The following HBS1L variants were observed in gnomAD, a reference collection of about 807,000 sequenced individuals.
The protein encoded by HBS1L is HBS1 like translational GTPase, also known as HBS1-like protein.
In HBS1L, 55 loss-of-function variants were observed where a neutral mutation model predicts 88.9. The ratio of observed to expected loss-of-function variants is 0.62; its 90% CI spans 0.50 to 0.77. The LOEUF is 0.77. HBS1L is among the 30% of genes least tolerant of loss of function. The probability of loss-of-function intolerance (pLI) is 0.00; values close to 1 mark genes in which losing one functional copy is unlikely to be tolerated. For missense variants in HBS1L, 741 were observed against 829.3 expected (o/e 0.89, Z 1.31); for synonymous variants, 267 against 288.5 (o/e 0.93, Z 0.76).
At chr6:134,988,754 CA>C (rs1221804494) in intron 8 of HBS1L, among the ~76,000 whole-genome samples, 1 of 152,140 alleles carries the variant, frequency 6.6e-6, no homozygotes, top group Non-Finnish European at 1.5e-5. Flanking sequence ...GGTATTTTCA[CA>C]AAAAGTATCA....
At position 135,002,282 on chromosome 6, in the gene HBS1L, C is replaced by T. The variant is rs141710262; in HGVS notation, c.539+452G>A. 2.9e-4 allele frequency among the ~76,000 whole-genome samples: 44 copies of T among 152,136 alleles called. No individual in the cohort carries two copies. The East Asian group carries it at 5.6e-3, about 19-fold the overall frequency. On this transcript the variant is annotated intron_variant, in intron 5 of 17. Coordinates refer to ENST00000367837, the MANE Select transcript of HBS1L (RefSeq NM_006620.4). ...GTCTTTGCTACAATGGTCCAATTTACGTCTTTGCTACAATGGTCCAATTTA... is the reference window on the plus strand; with the variant it reads ...GTCTTTGCTACAATGGTCCAATTTATGTCTTTGCTACAATGGTCCAATTTA...
At chr6:134,970,384 C>T (rs902507813) in intron 15 of HBS1L, among the ~76,000 whole-genome samples, 3 of 152,148 alleles carry the variant, frequency 2.0e-5, no homozygotes, top group African/African-American at 4.8e-5. Flanking sequence ...CCGACTGCCT[C>T]GGCATCCCAA....
At position 135,054,766 on chromosome 6, in the gene HBS1L, A is replaced by G; in HGVS notation, c.-75T>C. The stretch of plus-strand genomic sequence containing the variant: ...TCCGCTTAGATACTGATAAGGCGCC[A>G]ACTGCAGCCTGGAGAACCCCTATGC... On this transcript the variant is annotated 5_prime_UTR_variant, in exon 1 of 18. Transcript: ENST00000367837. 6.4e-7 allele frequency: 1 copy of G among 1,568,846 alleles called. No individual in the cohort carries two copies. The highest frequency in any genetic ancestry group is 8.7e-7 in the Non-Finnish European group (1 of 1,144,968).
At chr6:134,987,514 C>G (rs1775012261) in intron 9 of HBS1L, 131 bp downstream of exon 9, 7 of 564,666 alleles carry the variant, frequency 1.2e-5, no homozygotes, top group Non-Finnish European at 2.0e-5. Flanking sequence ...AAGATGAGAA[C>G]AGAGAATTTA....
chr6:134,987,648 A>G lies in HBS1L; in HGVS notation c.1227T>C (p.Asp409=). The stretch of plus-strand genomic sequence containing the variant: ...TCTCCACAAAGCCCTTAAATACCTG[A>G]TCCATTTTATTAACTGCAACTGCAA... The part of the protein sequence containing the change: ...TQLAVAVNKM[D]QVNWQQERFQ... Residue 409 remains aspartate (D), a synonymous_variant, in exon 9 of 18, where the codon GAT becomes GAC. Transcript: ENST00000367837. 1.9e-6 allele frequency: 3 copies of G among 1,598,352 alleles called. No individual in the cohort carries two copies. The South Asian group carries it at 3.4e-5, about 18-fold the overall frequency.
intron 4 of HBS1L, among the ~76,000 whole-genome samples, chr6:135,015,778 T>C (rs1168913291): frequency 1.3e-5 from 2 of 152,044 alleles, no homozygotes; most frequent in East Asian, 3.9e-4. Context: ...ACATGGGGTT[T>C]CGCTGTGTTG....
intron 4 of HBS1L, among the ~76,000 whole-genome samples, chr6:135,007,441 A>G (rs1775644761): frequency 6.6e-6 from 1 of 152,220 alleles, no homozygotes; most frequent in Non-Finnish European, 1.5e-5. Context: ...GTCCAACTCT[A>G]GAACTTCTGA....
chr6:135,018,978 C>T (rs1775998466), intron 4 of HBS1L, among the ~76,000 whole-genome samples: 1 of 151,732 alleles, frequency 6.6e-6, no homozygotes, highest in South Asian at 2.1e-4. Context: ...ATAAGCAAAG[C>T]TAGGAATGTG....
intron 4 of HBS1L, among the ~76,000 whole-genome samples, chr6:135,038,463 C>A (rs116587162): frequency 6.6e-6 from 1 of 152,202 alleles, no homozygotes; most frequent in Non-Finnish European, 1.5e-5. Context: ...CTACCACAAT[C>A]TGGGATACAC....
At chr6:134,992,449 A>C (rs1315930399) in intron 8 of HBS1L, among the ~76,000 whole-genome samples, 1 of 152,200 alleles carries the variant, frequency 6.6e-6, no homozygotes, top group African/African-American at 2.4e-5. Flanking sequence ...CAATTGTATA[A>C]AAGAATATAG....
chr6:134,968,559 T>C (rs1039549434), intron 16 of HBS1L, among the ~76,000 whole-genome samples: 3 of 152,152 alleles, frequency 2.0e-5, no homozygotes, highest in Non-Finnish European at 4.4e-5. Context: ...AAGAAATCTA[T>C]TTTGTAACAT....
chr6:135,002,956 T>C, intron 4 of HBS1L, 114 bp from the exon 5 acceptor site: 1 of 605,546 alleles, frequency 1.7e-6, no homozygotes, highest in Non-Finnish European at 2.8e-6. Context: ...ATTAATGTCT[T>C]TATAAACACA....
intron 3 of HBS1L, among the ~76,000 whole-genome samples, chr6:135,040,657 A>G (rs1321964007): frequency 6.6e-6 from 1 of 151,892 alleles, no homozygotes. Flanking sequence ...GCCGGCATTC[A>G]CTTTTAAAAG....
rs1332029667 is a variant in HBS1L, at chr6:134,982,472, G to A, written c.1583C>T (p.Thr528Ile). Residue 528 changes from threonine to isoleucine, a missense_variant, in exon 13 of 18, where the codon ACT becomes ATT. Coordinates refer to ENST00000367837, the MANE Select transcript of HBS1L (RefSeq NM_006620.4). Reference sequence around the variant, plus strand: ...CAGATAAATACCTTTCACGGTACAAGTTTCATTAGGAGGCATTGCCAGTAG... The same window carrying A: ...CAGATAAATACCTTTCACGGTACAAATTTCATTAGGAGGCATTGCCAGTAG... ...DRLLAMPPNE[T>I]CTVKGITLHD... 10 of 1,601,156 alleles carry A rather than the reference G, an allele frequency of 6.2e-6. No homozygotes were observed. Among genetic ancestry groups the A allele is most frequent in the Middle Eastern group, 1.7e-4 (1 of 6,042 alleles).
rs1180225796 is a variant in HBS1L at position 135,037,871 on chromosome 6, A to T, written c.430+1702T>A. 3 of 1,550,246 alleles carry T rather than the reference A, an allele frequency of 1.9e-6. No individual in the cohort carries two copies. In the Admixed American group the frequency reaches 5.9e-5, roughly 30 times the overall value. Reference sequence around the variant, plus strand: ...AGTTTCTTTTTTCTATGGAGTAAACAGTGAGTTGGAACTGAAGAATTATGA... The same window carrying T: ...AGTTTCTTTTTTCTATGGAGTAAACTGTGAGTTGGAACTGAAGAATTATGA... On this transcript the variant is annotated intron_variant, in intron 4 of 17. Transcript: ENST00000367837.
At chr6:134,975,871 C>T (rs977506853) in intron 15 of HBS1L, among the ~76,000 whole-genome samples, 1 of 151,970 alleles carries the variant, frequency 6.6e-6, no homozygotes, top group East Asian at 1.9e-4. Context: ...ATGACTAAGA[C>T]CCCCAAAGCA....
At chr6:135,007,194 T>C (rs1218423730) in intron 4 of HBS1L, among the ~76,000 whole-genome samples, 2 of 152,214 alleles carry the variant, frequency 1.3e-5, no homozygotes, top group African/African-American at 4.8e-5. Context: ...TTTGATTTTT[T>C]TTCTATAGAA....
chr6:135,026,506 CATT>C (rs1415254201), intron 4 of HBS1L, among the ~76,000 whole-genome samples: 5 of 151,998 alleles, frequency 3.3e-5, no homozygotes, highest in East Asian at 1.9e-4. Context: ...AAATGACAGA[CATT>C]ATTATCTGGT....
chr6:135,025,223 T>C (rs1202176279), intron 4 of HBS1L, among the ~76,000 whole-genome samples: 1 of 152,122 alleles, frequency 6.6e-6, no homozygotes, highest in Non-Finnish European at 1.5e-5. Context: ...GAAACAGTCA[T>C]AACACCAAAG....
Sources: allele counts gnomAD v4.1 joint callset (sites outside exome capture counted in the v4.1 genomes callset), GRCh38; gene constraint gnomAD v4.1.1; transcripts MANE v1.5; gene names NCBI Gene and HGNC (gene_info 2026-07-23, HGNC 2026-07-21).